Variants in METTL9 observed in about 807,000 individuals in gnomAD.
The protein encoded by METTL9 is protein-L-histidine N-pros-methyltransferase.
In METTL9, 10 loss-of-function variants were observed where a neutral mutation model predicts 36.0. That is an observed-to-expected ratio of 0.28 (90% confidence interval 0.17 to 0.47). METTL9 has a LOEUF of 0.47. Among genes scored for constraint, METTL9 ranks in the 20% least tolerant of loss-of-function variants. The pLI, the probability that METTL9 is intolerant of heterozygous loss-of-function variation, is 0.99. For synonymous variants in METTL9, 175 were observed against 149.7 expected, an observed-to-expected ratio of 1.17 and a Z score of -1.23; for missense variants, 246 against 383.5, an observed-to-expected ratio of 0.64 and a Z score of 3.00.
At chr16:21,619,434 T>A (rs1965637177) in intron 3 of METTL9, among the ~76,000 whole-genome samples, 1 of 151,960 alleles carries the variant, frequency 6.6e-6, no homozygotes, top group South Asian at 2.1e-4. Flanking sequence ...GGCCTTTTTT[T>A]TTTTTCTGGA....
Position 21,617,985 on chromosome 16 carries a change from C to A in METTL9, c.477C>A (p.Val159=). ...LLDLGAGDGE[V]TKIMSPHFEE... ...ATTTAGGTGCTGGAGATGGAGAAGTCACAAAAATCATGAGCCCTCATTTTG... is the reference window on the plus strand; with the variant it reads ...ATTTAGGTGCTGGAGATGGAGAAGTAACAAAAATCATGAGCCCTCATTTTG... Residue 159 remains valine, a synonymous_variant, in exon 3 of 5, where the codon GTC becomes GTA. Coordinates refer to ENST00000358154, the MANE Select transcript of METTL9 (RefSeq NM_016025.5). 3 of 1,612,988 alleles carry A rather than the reference C, an allele frequency of 1.9e-6. No homozygotes were observed. Among genetic ancestry groups the A allele is most frequent in the South Asian group, 1.1e-5 (1 of 90,756 alleles).
rs78746729 is a variant in METTL9, at chr16:21,655,393, C to T, written c.918C>T (p.Tyr306=). ...LCEGDMYNDY[Y]VLDDAVFVLK... is the part of the protein sequence containing the mutation. ...AAGGCGACATGTATAATGACTACTA[C>T]GTTCTGGATGACGCTGTCTTTGTTC... The change falls in exon 5 of 5, where the codon TAC becomes TAT. Residue 306 remains tyrosine (Y), a synonymous_variant. Transcript: ENST00000358154. The T allele has an allele frequency of 5.6e-3, 9,030 of 1,614,128 alleles. 310 individuals carry two copies. In the East Asian group the frequency reaches 0.073, roughly 13 times the overall value.
intron 4 of METTL9, among the ~76,000 whole-genome samples, chr16:21,637,629 C>A (rs1397412549): frequency 1.3e-5 from 2 of 152,248 alleles, no homozygotes; most frequent in Non-Finnish European, 2.9e-5. Context: ...CCTGATTAAG[C>A]CCAGCAGGCA....
At chr16:21,600,319 C>G (rs952555793) in intron 1 of METTL9, among the ~76,000 whole-genome samples, 1 of 152,182 alleles carries the variant, frequency 6.6e-6, no homozygotes, top group South Asian at 2.1e-4. Flanking sequence ...AGAAACAAAA[C>G]GAAAAGCCAG....
intron 4 of METTL9, 80 bp downstream of exon 4, chr16:21,625,195 A>C: frequency 1.4e-6 from 2 of 1,466,898 alleles, no homozygotes; most frequent in Non-Finnish European, 1.9e-6. Context: ...TGTACAATTA[A>C]ATATTGTCTA....
intron 4 of METTL9, chr16:21,627,086 C>T: frequency 1.0e-6 from 1 of 985,368 alleles, no homozygotes; most frequent in Non-Finnish European, 1.2e-6. Flanking sequence ...AGCCTTGTTG[C>T]TATGGGTGAC....
chr16:21,634,124 T>G (rs1046173266), intron 4 of METTL9, among the ~76,000 whole-genome samples: 1 of 152,168 alleles, frequency 6.6e-6, no homozygotes, highest in Non-Finnish European at 1.5e-5. Flanking sequence ...AAATACCTGG[T>G]TACAGGCTGT....
rs3046231 is a variant in METTL9 at position 21,605,257 on chromosome 16, CTTTTTTTTTTTTTTTTTTTTTTTTT to C, written c.165+5374_165+5398del. ...GGGGTGGTAAAAATAGGCTTGCCTT[CTTTTTTTTTTTTTTTTTTTTTTTTT>C]TTTTTTTTTTTTTTGAGAAACAAGT... On this transcript the variant is annotated intron_variant, in intron 1 of 4. Coordinates refer to ENST00000358154, the MANE Select transcript of METTL9 (RefSeq NM_016025.5). Among the ~76,000 whole-genome samples the C allele has an allele frequency of 6.1e-4, 31 of 51,238 alleles. 1 individual carries two copies. The highest frequency in any genetic ancestry group is 1.7e-3 in the South Asian group (2 of 1,148). The allele number at this position is 51,238 out of a possible 152,430, so 33.6% of individuals were successfully genotyped here. A position where few individuals can be genotyped will look rare whatever the true frequency, so the allele number is the denominator to read the frequency against.
intron 4 of METTL9, chr16:21,646,270 A>G (rs1966427245): frequency 6.6e-6 from 1 of 151,986 alleles, no homozygotes. Context: ...AGGAATTGTC[A>G]TGGGTTTTAT....
intron 4 of METTL9, chr16:21,654,979 C>G: frequency 1.9e-6 from 1 of 515,558 alleles, no homozygotes; most frequent in Non-Finnish European, 3.5e-6. Context: ...CCAGACAAAC[C>G]TGGGCTTACA....
At position 21,636,616 on chromosome 16, in the gene METTL9, C is replaced by T. The variant is rs144735825; in HGVS notation, c.751+11501C>T. Among the ~76,000 whole-genome samples the T allele has an allele frequency of 2.7e-4, 41 of 152,258 alleles. No homozygotes were observed. In the South Asian group the frequency reaches 3.9e-3, roughly 15 times the overall value. On this transcript the variant is annotated intron_variant, in intron 4 of 4. Transcript: ENST00000358154. ...GTCAACCAACTTCTTGTTGGGACCC[C>T]GGAGCTGAATGGCTTTCCTCTCTGT...
chr16:21,631,578 G>A (rs986163369), intron 4 of METTL9, among the ~76,000 whole-genome samples: 7 of 152,138 alleles, frequency 4.6e-5, no homozygotes, highest in Non-Finnish European at 7.3e-5. Flanking sequence ...TCATTGTGTC[G>A]TTTTTCCTTA....
intron 4 of METTL9, chr16:21,653,331 A>T (rs1055798619): frequency 3.3e-5 from 5 of 150,010 alleles, no homozygotes; most frequent in Admixed American, 1.3e-4. Flanking sequence ...TTGGCCTCCC[A>T]AAGTGTTAGG....
intron 4 of METTL9, among the ~76,000 whole-genome samples, chr16:21,645,736 T>C (rs1050780045): frequency 1.3e-5 from 2 of 152,176 alleles, no homozygotes; most frequent in Non-Finnish European, 2.9e-5. Flanking sequence ...GACTAACATG[T>C]TTTTAGAAGG....
chr16:21,618,999 A>C (rs1965624890), intron 3 of METTL9, among the ~76,000 whole-genome samples: 1 of 152,082 alleles, frequency 6.6e-6, no homozygotes, highest in Non-Finnish European at 1.5e-5. Context: ...CGCCTGGCCC[A>C]AAATTTTCTT....
At chr16:21,618,128 G>A in intron 3 of METTL9, 54 bp downstream of exon 3, 8 of 1,253,972 alleles carry the variant, frequency 6.4e-6, no homozygotes, top group East Asian at 2.5e-5. Context: ...ATTATTTAAA[G>A]GATATGAATA....
chr16:21,599,521 G>A, upstream of METTL9: 2 of 1,262,196 alleles, frequency 1.6e-6, no homozygotes, highest in Non-Finnish European at 2.0e-6. The surrounding 1 kb of genome is among the most constrained non-coding windows in gnomAD (Gnocchi z 4.4). Context: ...AGGGGGCAGC[G>A]GCGTTCCGCG....
At chr16:21,633,292 T>G (rs746301310) in intron 4 of METTL9, among the ~76,000 whole-genome samples, 1 of 152,186 alleles carries the variant, frequency 6.6e-6, no homozygotes, top group African/African-American at 2.4e-5. Flanking sequence ...GTACCTTTGA[T>G]TAGCTAGAAC....
chr16:21,652,381 CAG>C lies in METTL9; in HGVS notation c.752-2845_752-2844del. On this transcript the variant is annotated intron_variant, in intron 4 of 4. Transcript: ENST00000358154. Reference sequence around the variant, plus strand: ...AGCTATTTTTTTATTGTCTATTTCTCAGGGGAAAAAGGAAACTTATCCTCTTA... The same window carrying C: ...AGCTATTTTTTTATTGTCTATTTCTCGGGAAAAAGGAAACTTATCCTCTTA... 4 of 523,360 alleles carry C rather than the reference CAG, an allele frequency of 7.6e-6. No individual in the cohort carries two copies. In the South Asian group the frequency reaches 1.1e-4, roughly 15 times the overall value. 32.4% of individuals were successfully genotyped at this position (523,360 alleles called of 1,614,324 possible). A position where few individuals can be genotyped will look rare whatever the true frequency, so the allele number is the denominator to read the frequency against.
Sources: gnomAD v4.1 joint callset for allele counts (sites outside exome capture counted in the v4.1 genomes callset) on GRCh38, gnomAD v4.1.1 for gene constraint, Gnocchi (gnomAD v3.1) non-coding constraint, MANE v1.5 for transcripts, NCBI Gene and HGNC (gene_info 2026-07-23, HGNC 2026-07-21) for gene names.